The following RUNX2 variants were observed in gnomAD, a reference collection of about 807,000 sequenced individuals.
RUNX2 encodes runt-related transcription factor 2.
A neutral mutation model predicts 51.7 loss-of-function variants in RUNX2; 10 were observed. That is an observed-to-expected ratio of 0.19 (90% CI 0.12 to 0.33). The LOEUF (loss-of-function observed/expected upper bound fraction) is 0.33, where lower values mean the gene tolerates loss of function less well. RUNX2 is among the 10% of genes least tolerant of loss of function. RUNX2 has a pLI of 1.00. For missense variants in RUNX2, 562 were observed against 691.3 expected (o/e 0.81, Z 2.10); for synonymous variants, 276 against 273.6 (o/e 1.01, Z -0.09).
At chr6:45,508,777 G>A (rs1446551015) in intron 6 of RUNX2, among the ~76,000 whole-genome samples, 1 of 152,170 alleles carries the variant, frequency 6.6e-6, no homozygotes, top group Non-Finnish European at 1.5e-5. Flanking sequence ...CAGTCAGGAT[G>A]TAAAACCTAA....
intron 6 of RUNX2, 22 bp from the exon 7 acceptor site, chr6:45,512,224 T>C: frequency 6.2e-7 from 1 of 1,611,792 alleles, no homozygotes; most frequent in South Asian, 1.1e-5. Flanking sequence ...ATACTAAAGA[T>C]TTTTCTTTTT....
At chr6:45,478,781 C>A (rs778485925) in intron 5 of RUNX2, among the ~76,000 whole-genome samples, 1 of 152,200 alleles carries the variant, frequency 6.6e-6, no homozygotes, top group Non-Finnish European at 1.5e-5. Flanking sequence ...GAAGTTCACA[C>A]TTGCTATTAG....
At chr6:45,513,001 T>C (rs141448433) in intron 7 of RUNX2, among the ~76,000 whole-genome samples, 1 of 152,288 alleles carries the variant, frequency 6.6e-6, no homozygotes, top group Non-Finnish European at 1.5e-5. Context: ...TGCATGCTGC[T>C]GTCACTTGCA....
chr6:45,333,204 CT>C (rs1482366952), intron 2 of RUNX2, among the ~76,000 whole-genome samples: 1 of 151,566 alleles, frequency 6.6e-6, no homozygotes, highest in Non-Finnish European at 1.5e-5. Flanking sequence ...ATGAAATTCA[CT>C]GGATATATTT....
chr6:45,372,041 ATAAC>A (rs1796142146), intron 2 of RUNX2: 4 of 967,656 alleles, frequency 4.1e-6, no homozygotes, highest in Non-Finnish European at 4.9e-6. Flanking sequence ...AAAGTTTATC[ATAAC>A]TAACCCAAAA....
chr6:45,429,970 T>G (rs914267302), intron 3 of RUNX2, among the ~76,000 whole-genome samples: 1 of 151,920 alleles, frequency 6.6e-6, no homozygotes, highest in Non-Finnish European at 1.5e-5. Context: ...GGTGCACACC[T>G]GTAATCCCAG....
At chr6:45,470,139 G>A (rs975170865) in intron 5 of RUNX2, among the ~76,000 whole-genome samples, 26 of 152,172 alleles carry the variant, frequency 1.7e-4, no homozygotes, top group Admixed American at 4.6e-4. Flanking sequence ...CGAACCATAG[G>A]TGCTAATCAA....
chr6:45,476,481 G>A (rs1799959202), intron 5 of RUNX2, among the ~76,000 whole-genome samples: 1 of 152,110 alleles, frequency 6.6e-6, no homozygotes, highest in Admixed American at 6.5e-5. Context: ...ATTTGGACGA[G>A]AACAAATTTT....
In RUNX2 at chr6:45,422,714, G is replaced by GCAGCAGCAGCAGCAACAGCAT; in HGVS notation, c.200_201insTCAGCAGCAGCAGCAACAGCA (p.Gln66_Gln67insHisGlnGlnGlnGlnGlnGln). ...AGCAACAGCAGCAGCAGCAACAGCAGCAGCAGCAGCAGCAACAGCAGCAGC... is the reference window on the plus strand; with the variant it reads ...AGCAACAGCAGCAGCAGCAACAGCAGCAGCAGCAGCAGCAACAGCATCAGCAGCAGCAGCAACAGCAGCAGC... On this transcript the variant is annotated inframe_insertion, in exon 3 of 9. Transcript: ENST00000647337. 1.3e-6 allele frequency: 2 copies of GCAGCAGCAGCAGCAACAGCAT among 1,588,682 alleles called. No individual in the cohort carries two copies. The highest frequency in any genetic ancestry group is 1.7e-6 in the Non-Finnish European group (2 of 1,168,332).
intron 5 of RUNX2, among the ~76,000 whole-genome samples, chr6:45,475,850 G>A (rs1433230951): frequency 6.6e-6 from 1 of 152,090 alleles, no homozygotes; most frequent in Non-Finnish European, 1.5e-5. Flanking sequence ...ATAGCCCTAG[G>A]GCCTGATCTT....
intron 7 of RUNX2, chr6:45,513,616 T>C (rs1458133317): frequency 6.6e-6 from 1 of 152,212 alleles, no homozygotes; most frequent in Admixed American, 6.5e-5. Flanking sequence ...CTGGTCCTAG[T>C]GCCTCACATT....
chr6:45,409,810 G>A (rs1797912273), intron 2 of RUNX2, among the ~76,000 whole-genome samples: 1 of 151,912 alleles, frequency 6.6e-6, no homozygotes, highest in South Asian at 2.1e-4. Context: ...TTCACTCTTG[G>A]CATTATGCTA....
chr6:45,502,511 C>T (rs756973048), intron 6 of RUNX2, among the ~76,000 whole-genome samples: 6 of 152,088 alleles, frequency 3.9e-5, no homozygotes, highest in Non-Finnish European at 8.8e-5. Context: ...CAGCTGTAGG[C>T]CCAAGGCAGG....
At chr6:45,530,108 C>A (rs942979901) in intron 7 of RUNX2, among the ~76,000 whole-genome samples, 2 of 152,230 alleles carry the variant, frequency 1.3e-5, no homozygotes, top group Non-Finnish European at 1.5e-5. Flanking sequence ...TGCAAAGCCA[C>A]AGCTTCTGCA....
At chr6:45,471,282 C>T (rs757710347) in intron 5 of RUNX2, among the ~76,000 whole-genome samples, 28 of 152,126 alleles carry the variant, frequency 1.8e-4, no homozygotes, top group Non-Finnish European at 2.8e-4. Context: ...GTGTGTATGA[C>T]TTCCTAACAA....
In RUNX2 at chr6:45,547,350, C is replaced by T. The variant is rs1380444084; in HGVS notation, c.*45C>T. 2 of 1,381,162 alleles carry T rather than the reference C, an allele frequency of 1.4e-6. No individual in the cohort carries two copies. Among genetic ancestry groups the T allele is most frequent in the Admixed American group, 3.3e-5 (2 of 59,722 alleles). 85.6% of individuals were successfully genotyped at this position (1,381,162 alleles called of 1,614,324 possible). Reference sequence around the variant, plus strand: ...AGTGGTATCTGGGGGCCACATCCCACACGTATCAATATATACATATATAGA... The same window carrying T: ...AGTGGTATCTGGGGGCCACATCCCATACGTATCAATATATACATATATAGA... On this transcript the variant is annotated 3_prime_UTR_variant, in exon 9 of 9. Coordinates refer to ENST00000647337, the MANE Select transcript of RUNX2 (RefSeq NM_001024630.4).
chr6:45,338,344 TA>T (rs34686255), intron 2 of RUNX2, among the ~76,000 whole-genome samples: 50,960 of 147,606 alleles, frequency 0.35, 9,668 homozygotes, highest in Non-Finnish European at 0.43. Context: ...GTAGCTCTCA[TA>T]AAAAAAAAAA....
At chr6:45,443,281 C>A (rs1305481122) in intron 5 of RUNX2, among the ~76,000 whole-genome samples, 1 of 151,922 alleles carries the variant, frequency 6.6e-6, no homozygotes, top group African/African-American at 2.4e-5. Flanking sequence ...GAACTCCTGG[C>A]CTCAAGTGAT....
intron 2 of RUNX2, among the ~76,000 whole-genome samples, chr6:45,412,072 G>A (rs181014666): frequency 5.9e-5 from 9 of 151,866 alleles, no homozygotes; most frequent in Admixed American, 1.3e-4. Flanking sequence ...CTGAGGCTGG[G>A]CACAATGGCT....
Sources: gnomAD v4.1 joint callset for allele counts (sites outside exome capture counted in the v4.1 genomes callset) on GRCh38, gnomAD v4.1.1 for gene constraint, MANE v1.5 for transcripts, NCBI Gene and HGNC (gene_info 2026-07-23, HGNC 2026-07-21) for gene names.